NSMAF: variants seen among roughly 807,000 people sequenced by gnomAD.
NSMAF encodes the protein neutral sphingomyelinase activation associated factor.
In NSMAF, 90 loss-of-function variants were observed where a neutral mutation model predicts 134.9. The ratio of observed to expected loss-of-function variants is 0.67; its 90% CI spans 0.56 to 0.79. The LOEUF (loss-of-function observed/expected upper bound fraction) is 0.79, where lower values mean the gene tolerates loss of function less well. Ranked by LOEUF, NSMAF falls within the 30% of genes least tolerant of loss-of-function variation. The pLI is 0.00. For synonymous variants in NSMAF, 358 were observed against 389.6 expected, an observed-to-expected ratio of 0.92 and a Z score of 0.96; for missense variants, 1,010 against 1,119.0, an observed-to-expected ratio of 0.90 and a Z score of 1.39.
At chr8:58,589,129 C>T (rs1425099136) in intron 26 of NSMAF, among the ~76,000 whole-genome samples, 2 of 146,386 alleles carry the variant, frequency 1.4e-5, no homozygotes, top group African/African-American at 5.0e-5. Flanking sequence ...AATGTTATTG[C>T]CTGTGTTTAA....
intron 12 of NSMAF, among the ~76,000 whole-genome samples, chr8:58,603,831 T>C (rs79542143): frequency 1.3e-5 from 2 of 152,192 alleles, no homozygotes; most frequent in African/African-American, 4.8e-5. Context: ...TTGGAAGAGA[T>C]GTACTACTGC....
At chr8:58,607,747 G>C (rs1563530425) in intron 11 of NSMAF, 22 bp downstream of exon 11, 1 of 1,599,020 alleles carries the variant, frequency 6.3e-7, no homozygotes, top group Non-Finnish European at 8.6e-7. Context: ...TCATGCCCCA[G>C]CACAGCCTCC....
At chr8:58,628,646 T>G (rs1806989731) in intron 6 of NSMAF, among the ~76,000 whole-genome samples, 1 of 152,184 alleles carries the variant, frequency 6.6e-6, no homozygotes, top group Admixed American at 6.5e-5. Context: ...ATTCCTACAC[T>G]TTCATGTTGG....
In NSMAF at chr8:58,607,826, C is replaced by A. The variant is rs546682606; in HGVS notation, c.702G>T (p.Gln234His). The A allele has an allele frequency of 6.2e-7, 1 of 1,613,904 alleles. No individual in the cohort carries two copies. The highest frequency in any genetic ancestry group is 1.3e-5 in the African/African-American group (1 of 74,948). ...PLNGYPKPVV[Q>H]ITLQDVRRIY... Reference sequence around the variant, plus strand: ...TGCGGCGGACATCTTGGAGTGTTATCTGGACCACAGGTTTCTTTAAAAGTA... The same window carrying A: ...TGCGGCGGACATCTTGGAGTGTTATATGGACCACAGGTTTCTTTAAAAGTA... The change falls in exon 11 of 31, where the codon CAG becomes CAT. Residue 234 changes from glutamine (Q) to histidine (H), a missense_variant. Transcript: ENST00000038176.
intron 13 of NSMAF, among the ~76,000 whole-genome samples, chr8:58,602,645 G>A (rs1297503718): frequency 6.6e-6 from 1 of 152,006 alleles, no homozygotes; most frequent in Non-Finnish European, 1.5e-5. Flanking sequence ...GGAACTAACT[G>A]TTCACAATAT....
At chr8:58,623,678 G>T (rs1310078320) in intron 7 of NSMAF, 31 bp downstream of exon 7, 3 of 1,585,302 alleles carry the variant, frequency 1.9e-6, no homozygotes, top group Admixed American at 1.7e-5. Flanking sequence ...GCCTCAGTTT[G>T]CTTTGAATTT....
intron 6 of NSMAF, among the ~76,000 whole-genome samples, chr8:58,626,088 A>ATT (rs1585750373): frequency 9.0e-6 from 1 of 111,372 alleles, no homozygotes; most frequent in Non-Finnish European, 1.8e-5. Flanking sequence ...CCATTATATA[A>ATT]TTCTTTTTTT....
At chr8:58,637,685 G>A (rs1807234196) in intron 2 of NSMAF, among the ~76,000 whole-genome samples, 2 of 152,176 alleles carry the variant, frequency 1.3e-5, no homozygotes, top group African/African-American at 2.4e-5. Flanking sequence ...AAACAGCGTT[G>A]CATTTCTATA....
At chr8:58,596,439 T>G (rs1806137001) in intron 21 of NSMAF, among the ~76,000 whole-genome samples, 1 of 152,152 alleles carries the variant, frequency 6.6e-6, no homozygotes, top group East Asian at 1.9e-4. Context: ...TGAAGTTGTC[T>G]TAGGTAAAAT....
intron 24 of NSMAF, among the ~76,000 whole-genome samples, 184 bp downstream of exon 24, chr8:58,590,683 G>GAA (rs1361563179): frequency 6.6e-6 from 1 of 152,154 alleles, no homozygotes; most frequent in Non-Finnish European, 1.5e-5. Context: ...AACAGTAAGA[G>GAA]AAAGTGGTAA....
intron 12 of NSMAF, 26 bp downstream of exon 12, chr8:58,605,901 G>C: frequency 6.9e-7 from 1 of 1,447,854 alleles, no homozygotes; most frequent in Non-Finnish European, 9.1e-7. Flanking sequence ...AAAAAAGAAA[G>C]AAACAATGAA....
Position 58,609,712 on chromosome 8 carries a change from C to T in NSMAF, c.579G>A (p.Lys193=), listed in dbSNP as rs765438674. The change falls in exon 10 of 31, where the codon AAG becomes AAA. Residue 193 remains lysine, a synonymous_variant. Transcript: ENST00000038176. The stretch of plus-strand genomic sequence containing the variant: ...TTTCTGCTTTGCATTCCATGTGCAG[C>T]TTTTCAGAAATGTTTTGGAACCTGA... The part of the protein sequence containing the change: ...DKNRFQNISE[K]LHMECKAEMV... The T allele has an allele frequency of 3.1e-6, 5 of 1,614,004 alleles. No individual in the cohort carries two copies. Among genetic ancestry groups the T allele is most frequent in the Non-Finnish European group, 4.2e-6 (5 of 1,180,012 alleles).
chr8:58,585,643 G>C lies in NSMAF; in HGVS notation c.2659+9C>G. The C allele has an allele frequency of 6.3e-7, 1 of 1,586,264 alleles. No individual in the cohort carries two copies. Among genetic ancestry groups the C allele is most frequent in the South Asian group, 1.1e-5 (1 of 90,508 alleles). ...AACAAAGATCAAGGCAACTGCAGTA[G>C]CTGCTTACCTGTGTGGCCCTGTATT... is the stretch of plus-strand genomic sequence containing the variant. On this transcript the variant is annotated intron_variant, in intron 30 of 30. Coordinates refer to ENST00000038176, the MANE Select transcript of NSMAF (RefSeq NM_003580.4).
intron 9 of NSMAF, among the ~76,000 whole-genome samples, chr8:58,621,724 CTAATGAT>C (rs1806791819): frequency 6.6e-6 from 1 of 152,102 alleles, no homozygotes; most frequent in South Asian, 2.1e-4. Context: ...TTACATTTTT[CTAATGAT>C]TAGTGGCATT....
At chr8:58,625,939 T>C (rs1486240905) in intron 6 of NSMAF, among the ~76,000 whole-genome samples, 1 of 152,084 alleles carries the variant, frequency 6.6e-6, no homozygotes, top group Non-Finnish European at 1.5e-5. Context: ...ATAGTTTTTG[T>C]GGTACAGGTG....
At chr8:58,587,233 G>T (rs1226714422) in intron 27 of NSMAF, among the ~76,000 whole-genome samples, 1 of 152,180 alleles carries the variant, frequency 6.6e-6, no homozygotes, top group Non-Finnish European at 1.5e-5. Flanking sequence ...ACTGTTGGAT[G>T]GGTGTCTCCT....
chr8:58,628,327 T>C (rs931807035), intron 6 of NSMAF, among the ~76,000 whole-genome samples: 4 of 152,162 alleles, frequency 2.6e-5, no homozygotes, highest in Non-Finnish European at 4.4e-5. Flanking sequence ...GTATCTTCTA[T>C]AGGTATTTTC....
intron 2 of NSMAF, among the ~76,000 whole-genome samples, chr8:58,635,893 C>T (rs574776803): frequency 6.6e-6 from 1 of 152,274 alleles, no homozygotes; most frequent in African/African-American, 2.4e-5. Context: ...CTACACTCAT[C>T]CCACCCCAGA....
chr8:58,606,862 G>A (rs554607193), intron 11 of NSMAF, among the ~76,000 whole-genome samples: 80 of 152,208 alleles, frequency 5.3e-4, no homozygotes, highest in African/African-American at 1.7e-3. Flanking sequence ...TTATAATGGC[G>A]AATAAATGAA....
Sources: gnomAD v4.1 joint callset for allele counts (sites outside exome capture counted in the v4.1 genomes callset) on GRCh38, gnomAD v4.1.1 for gene constraint, MANE v1.5 for transcripts, NCBI Gene and HGNC (gene_info 2026-07-23, HGNC 2026-07-21) for gene names.